TEX15: variants seen among roughly 807,000 people sequenced by gnomAD.
TEX15 encodes testis expressed 15, meiosis and synapsis associated, also known as testis-expressed protein 15.
In TEX15, 171 loss-of-function variants were observed where a neutral mutation model predicts 237.3. The ratio of observed to expected loss-of-function variants is 0.72; its 90% CI spans 0.64 to 0.82. TEX15 has a LOEUF of 0.82. TEX15 is among the 40% of genes least tolerant of loss of function. The pLI, the probability that TEX15 is intolerant of heterozygous loss-of-function variation, is 0.00. For synonymous variants in TEX15, 1,338 were observed against 1,269.8 expected, an observed-to-expected ratio of 1.05 and a Z score of -1.14; for missense variants, 3,750 against 3,646.5, an observed-to-expected ratio of 1.03 and a Z score of -0.73.
chr8:30,849,375 A>G (rs1021583804), intron 7 of TEX15, 59 bp from the exon 8 acceptor site: 1 of 908,852 alleles, frequency 1.1e-6, no homozygotes, highest in South Asian at 1.8e-5. Flanking sequence ...ACAACTATTA[A>G]TACAGGTACA....
At chr8:30,881,610 C>CTTT (rs1164594718) in intron 3 of TEX15, among the ~76,000 whole-genome samples, 1,291 of 109,116 alleles carry the variant, frequency 0.012, 182 homozygotes, top group African/African-American at 0.026. Flanking sequence ...TCCATCTTGA[C>CTTT]TTTTTATTTT....
At chr8:30,887,922 A>C (rs1390776219) in intron 2 of TEX15, 2 of 94,950 alleles carry the variant, frequency 2.1e-5, no homozygotes, top group Admixed American at 2.1e-4. Flanking sequence ...ATATATATAT[A>C]TATATATGAA....
At position 30,837,584 on chromosome 8, in the gene TEX15, A is replaced by G. The variant is rs1475216061; in HGVS notation, c.8700T>C (p.Cys2900=). ...DASVLSKPIF[C]FVKDVHPDLE... Reference sequence around the variant, plus strand: ...GATCAGGATGGACATCTTTCACAAAACAGAAAATTGGCTTTGAGAGCACCG... The same window carrying G: ...GATCAGGATGGACATCTTTCACAAAGCAGAAAATTGGCTTTGAGAGCACCG... Residue 2900 remains cysteine (C), a synonymous_variant, in exon 10 of 11, where the codon TGT becomes TGC. Transcript: ENST00000643185. The G allele has an allele frequency of 9.9e-6, 16 of 1,614,124 alleles. No homozygotes were observed. Among genetic ancestry groups the G allele is most frequent in the Non-Finnish European group, 1.4e-5 (16 of 1,179,998 alleles).
chr8:30,861,195 ATTC>A (rs1292476695), intron 5 of TEX15, among the ~76,000 whole-genome samples: 1 of 152,204 alleles, frequency 6.6e-6, no homozygotes, highest in African/African-American at 2.4e-5. Flanking sequence ...AAAAAATTAA[ATTC>A]TTTTCTTAAC....
intron 9 of TEX15, among the ~76,000 whole-genome samples, chr8:30,838,680 T>C (rs1807366063): frequency 7.5e-6 from 1 of 133,846 alleles, no homozygotes; most frequent in South Asian, 2.5e-4. Flanking sequence ...TATAGGTCCC[T>C]GAGGTAATTA....
At chr8:30,892,180 T>G (rs1339989748) in intron 2 of TEX15, among the ~76,000 whole-genome samples, 1 of 152,240 alleles carries the variant, frequency 6.6e-6, no homozygotes, top group Non-Finnish European at 1.5e-5. Context: ...ATTTTTTGTC[T>G]ATGGTAAAAA....
chr8:30,864,476 A>T lies in TEX15; in HGVS notation c.540+2789T>A, dbSNP rs532553830. Among the ~76,000 whole-genome samples the T allele has an allele frequency of 3.3e-5, 5 of 151,860 alleles. 1 individual carries two copies. In the South Asian group the frequency reaches 1.0e-3, roughly 32 times the overall value. On this transcript the variant is annotated intron_variant, in intron 5 of 10. Coordinates refer to ENST00000643185, the MANE Select transcript of TEX15 (RefSeq NM_001350162.2). ...AAACATCTAAAAAATAGGTAGGAGGATCGCTAGAGCCTGGGAGTTTGAAGC... is the reference window on the plus strand; with the variant it reads ...AAACATCTAAAAAATAGGTAGGAGGTTCGCTAGAGCCTGGGAGTTTGAAGC...
chr8:30,866,884 G>A (rs1343530710), intron 5 of TEX15, among the ~76,000 whole-genome samples: 1 of 151,918 alleles, frequency 6.6e-6, no homozygotes, highest in African/African-American at 2.4e-5. Context: ...ATAAACTGCA[G>A]GAGTTTAAAA....
rs770039052 is a variant in TEX15 at position 30,837,413 on chromosome 8, T to C, written c.8871A>G (p.Thr2957=). The change falls in exon 10 of 11, where the codon ACA becomes ACG. Residue 2957 remains threonine (T), a synonymous_variant. Transcript: ENST00000643185. ...PTLQINKLQP[T]ETESEDKYMK... ...TGTATTTGTCCTCTGACTCAGTTTC[T>C]GTAGGCTGTAGTTTGTTTATCTGCA... 1.2e-6 allele frequency: 2 copies of C among 1,614,204 alleles called. No individual in the cohort carries two copies. The highest frequency in any genetic ancestry group is 1.7e-6 in the Non-Finnish European group (2 of 1,180,010).
Position 30,843,516 on chromosome 8 carries a change from C to T in TEX15, c.6651G>A (p.Lys2217=). ...DLEILRKSTL[K]LINVCGDSPK... The stretch of plus-strand genomic sequence containing the variant: ...GAGAGTCCCCACATACATTGATCAA[C>T]TTTAAAGTACTTTTTCTTAAGATTT... The change falls in exon 8 of 11, where the codon AAG becomes AAA. Residue 2217 remains lysine (K), a synonymous_variant. Coordinates refer to ENST00000643185, the MANE Select transcript of TEX15 (RefSeq NM_001350162.2). The T allele has an allele frequency of 1.2e-6, 2 of 1,613,050 alleles. No homozygotes were observed. The highest frequency in any genetic ancestry group is 1.7e-6 in the Non-Finnish European group (2 of 1,179,626).
chr8:30,882,440 C>T (rs1585306554), intron 3 of TEX15, among the ~76,000 whole-genome samples: 1 of 152,200 alleles, frequency 6.6e-6, no homozygotes, highest in African/African-American at 2.4e-5. Flanking sequence ...GCGGCCGCCA[C>T]CATGCCCGGC....
intron 2 of TEX15, among the ~76,000 whole-genome samples, chr8:30,895,676 CTTTTTTTTTT>C (rs34002027): frequency 1.8e-4 from 11 of 60,062 alleles, no homozygotes; most frequent in Admixed American, 1.2e-3. Context: ...TAAACACATG[CTTTTTTTTTT>C]TTTTTTTTTT....
In TEX15 at chr8:30,833,216, A is replaced by T; in HGVS notation, c.*70T>A. Reference sequence around the variant, plus strand: ...CAAACATTAAAAATCGCTAAATGTTAAAAAATATATAAGTAAAAAATATTT... The same window carrying T: ...CAAACATTAAAAATCGCTAAATGTTTAAAAATATATAAGTAAAAAATATTT... On this transcript the variant is annotated 3_prime_UTR_variant, in exon 11 of 11. Transcript: ENST00000643185. The T allele has an allele frequency of 1.9e-6, 2 of 1,078,172 alleles. No individual in the cohort carries two copies. The highest frequency in any genetic ancestry group is 2.7e-6 in the Non-Finnish European group (2 of 748,462). 66.8% of individuals were successfully genotyped at this position (1,078,172 alleles called of 1,614,324 possible).
intron 8 of TEX15, among the ~76,000 whole-genome samples, chr8:30,841,210 G>A (rs538613384): frequency 2.0e-5 from 3 of 152,240 alleles, no homozygotes; most frequent in Admixed American, 6.5e-5. Context: ...GTGAGCTATC[G>A]CACCCAGCTG....
chr8:30,865,494 C>T (rs2128771464), intron 5 of TEX15, among the ~76,000 whole-genome samples: 1 of 152,060 alleles, frequency 6.6e-6, no homozygotes, highest in South Asian at 2.1e-4. Flanking sequence ...AAACCAAAGA[C>T]AACGAAAGAA....
In TEX15 at chr8:30,847,694, T is replaced by C. The variant is rs769704757; in HGVS notation, c.2473A>G (p.Lys825Glu). Residue 825 changes from lysine to glutamate, a missense_variant, in exon 8 of 11, where the codon AAA becomes GAA. Lys to Glu is a moderately conservative substitution (Grantham distance 56, BLOSUM62 1). Coordinates refer to ENST00000643185, the MANE Select transcript of TEX15 (RefSeq NM_001350162.2). ...CTATCTTCAACATAAGCAGTTTCTTTATAGTCTCTCTGAATGTTCTCTAAT... is the reference window on the plus strand; with the variant it reads ...CTATCTTCAACATAAGCAGTTTCTTCATAGTCTCTCTGAATGTTCTCTAAT... Reference protein sequence around the residue: ...VSLENIQRDYKETAYVEDRGQ... With the variant: ...VSLENIQRDYEETAYVEDRGQ... The C allele has an allele frequency of 5.6e-6, 9 of 1,613,930 alleles. No homozygotes were observed. The highest frequency in any genetic ancestry group is 7.6e-6 in the Non-Finnish European group (9 of 1,179,922).
At chr8:30,858,263 G>A (rs1807954526) in intron 7 of TEX15, among the ~76,000 whole-genome samples, 1 of 151,606 alleles carries the variant, frequency 6.6e-6, no homozygotes, top group South Asian at 2.1e-4. Context: ...TGTAAAACAG[G>A]TAAAACACAA....
At position 30,842,898 on chromosome 8, in the gene TEX15, A is replaced by C; in HGVS notation, c.7269T>G (p.Val2423=). ...GGCTGTGGTTTATCACCACGTCTAA[A>C]ACATTTTCTTCTGTGATAAAAATAT... ...MDNIFITEEN[V]LDVVINHSHE... The change falls in exon 8 of 11, where the codon GTT becomes GTG. Residue 2423 remains valine, a synonymous_variant. Transcript: ENST00000643185. 1 of 1,609,892 alleles carries C rather than the reference A, an allele frequency of 6.2e-7. No individual in the cohort carries two copies. Among genetic ancestry groups the C allele is most frequent in the Non-Finnish European group, 8.5e-7 (1 of 1,177,626 alleles).
chr8:30,895,825 C>G (rs1319898043), intron 2 of TEX15, among the ~76,000 whole-genome samples: 2 of 151,654 alleles, frequency 1.3e-5, no homozygotes, highest in South Asian at 4.2e-4. Context: ...GGACTACAGG[C>G]ATCTGCCACC....
Sources: gnomAD v4.1 joint callset for allele counts (sites outside exome capture counted in the v4.1 genomes callset) on GRCh38, gnomAD v4.1.1 for gene constraint, MANE v1.5 for transcripts, NCBI Gene and HGNC (gene_info 2026-07-23, HGNC 2026-07-21) for gene names.